The following L3MBTL4 variants were observed in gnomAD, a reference collection of about 807,000 sequenced individuals.
The protein encoded by L3MBTL4 is lethal(3)malignant brain tumor-like protein 4.
Under a neutral mutation model 84.5 loss-of-function variants are expected in L3MBTL4, and 70 were observed. The observed-to-expected ratio is 0.83, with a 90% CI of 0.68 to 1.01. The LOEUF is 1.01. Among genes scored for constraint, L3MBTL4 ranks in the 50% least tolerant of loss-of-function variants. The probability of loss-of-function intolerance (pLI) is 0.00; values close to 1 mark genes in which losing one functional copy is unlikely to be tolerated. For synonymous variants in L3MBTL4, 274 were observed against 259.8 expected (o/e 1.05, Z -0.52); for missense variants, 715 against 754.8 (o/e 0.95, Z 0.62).
Position 5,973,998 on chromosome 18 carries a change from GC to G in L3MBTL4, c.1445-4437del, listed in dbSNP as rs145434715. On this transcript the variant is annotated intron_variant, in intron 16 of 18. Coordinates refer to ENST00000317931, the MANE Select transcript of L3MBTL4 (RefSeq NM_001330559.2). ...GAAAATGAAATGTATATGTAATACT[GC>G]CTTTGCCTCTAACACCAATGTGACA... 1.9e-3 allele frequency among the ~76,000 whole-genome samples: 288 copies of G among 152,274 alleles called. 3 individuals carry two copies. The East Asian group carries it at 0.042, about 22-fold the overall frequency.
intron 16 of L3MBTL4, among the ~76,000 whole-genome samples, chr18:6,004,513 A>C (rs1433137253): frequency 6.6e-6 from 1 of 152,176 alleles, no homozygotes; most frequent in Non-Finnish European, 1.5e-5. Context: ...ACACTTTCTA[A>C]CTCATAGAAA....
intron 15 of L3MBTL4, among the ~76,000 whole-genome samples, chr18:6,091,502 AC>A (rs1463401014): frequency 6.6e-6 from 1 of 152,216 alleles, no homozygotes; most frequent in African/African-American, 2.4e-5. Context: ...GAACAGGACA[AC>A]CGGTGATTTG....
intron 16 of L3MBTL4, among the ~76,000 whole-genome samples, chr18:6,062,513 T>C (rs1385344530): frequency 1.3e-5 from 2 of 152,048 alleles, no homozygotes; most frequent in Admixed American, 6.6e-5. Context: ...TGTGTTTTAG[T>C]GTCTGCCATT....
chr18:5,978,450 C>G (rs973784172), intron 16 of L3MBTL4, among the ~76,000 whole-genome samples: 1 of 152,156 alleles, frequency 6.6e-6, no homozygotes, highest in African/African-American at 2.4e-5. Flanking sequence ...ATACTACACC[C>G]CAATCACCCA....
intron 14 of L3MBTL4, among the ~76,000 whole-genome samples, chr18:6,106,233 C>T (rs763241600): frequency 1.4e-4 from 22 of 152,282 alleles, no homozygotes; most frequent in Middle Eastern, 3.4e-3. Flanking sequence ...CTAGATTTTT[C>T]TCTGAAGACA....
At chr18:6,111,976 G>A (rs1023170821) in intron 14 of L3MBTL4, among the ~76,000 whole-genome samples, 3 of 152,006 alleles carry the variant, frequency 2.0e-5, no homozygotes, top group South Asian at 2.1e-4. Context: ...CAACATCTCC[G>A]TAACCCCACC....
At chr18:6,131,114 C>T (rs1344824241) in intron 14 of L3MBTL4, among the ~76,000 whole-genome samples, 2 of 152,138 alleles carry the variant, frequency 1.3e-5, no homozygotes, top group African/African-American at 2.4e-5. Flanking sequence ...AAATAAGATG[C>T]TGACAACTTA....
At chr18:6,007,172 G>A (rs572700141) in intron 16 of L3MBTL4, among the ~76,000 whole-genome samples, 73 of 151,602 alleles carry the variant, frequency 4.8e-4, no homozygotes, top group Non-Finnish European at 3.5e-4. Context: ...ACAACAAAAT[G>A]GGGTTTTAAA....
chr18:5,972,447 T>C (rs2052682994), intron 16 of L3MBTL4, among the ~76,000 whole-genome samples: 1 of 152,044 alleles, frequency 6.6e-6, no homozygotes, highest in Non-Finnish European at 1.5e-5. Flanking sequence ...AAAGGAGAAG[T>C]TGGCAGAAGG....
intron 5 of L3MBTL4, among the ~76,000 whole-genome samples, chr18:6,261,747 A>G (rs930777401): frequency 5.3e-5 from 8 of 152,282 alleles, no homozygotes; most frequent in East Asian, 1.9e-4. Flanking sequence ...GAAATTCTCA[A>G]TCCTGCAGGT....
intron 5 of L3MBTL4, among the ~76,000 whole-genome samples, chr18:6,253,659 G>A (rs1305824515): frequency 6.6e-6 from 1 of 152,212 alleles, no homozygotes; most frequent in African/African-American, 2.4e-5. Context: ...GACTTCATGG[G>A]AAGCTCATGG....
rs1431214805 is a variant in L3MBTL4, at chr18:6,035,003, T to G, written c.1444+45878A>C. On this transcript the variant is annotated intron_variant, in intron 16 of 18. Coordinates refer to ENST00000317931, the MANE Select transcript of L3MBTL4 (RefSeq NM_001330559.2). Reference sequence around the variant, plus strand: ...CACTTTTTGATGGGGTTGTTTGTTTTTTTCTTGTAAATTTGTTTGAATTCA... The same window carrying G: ...CACTTTTTGATGGGGTTGTTTGTTTGTTTCTTGTAAATTTGTTTGAATTCA... Among the ~76,000 whole-genome samples, 12 of 152,008 alleles carry G rather than the reference T, an allele frequency of 7.9e-5. No individual in the cohort carries two copies. In the East Asian group the frequency reaches 2.3e-3, roughly 29 times the overall value.
chr18:6,018,202 G>C (rs1333633647), intron 16 of L3MBTL4, among the ~76,000 whole-genome samples: 4 of 152,202 alleles, frequency 2.6e-5, no homozygotes, highest in Non-Finnish European at 4.4e-5. Flanking sequence ...TGCAGCAGGA[G>C]AGGAAGCTGG....
chr18:6,147,573 T>C (rs1346587548), intron 13 of L3MBTL4, among the ~76,000 whole-genome samples: 4 of 152,202 alleles, frequency 2.6e-5, no homozygotes, highest in African/African-American at 9.7e-5. Flanking sequence ...AGTACCACGA[T>C]GGCAATATTA....
chr18:6,366,053 T>A (rs933818004), intron 1 of L3MBTL4, among the ~76,000 whole-genome samples: 17 of 152,330 alleles, frequency 1.1e-4, no homozygotes, highest in African/African-American at 4.1e-4. Context: ...ACCTCAATTA[T>A]ATACATGCCT....
chr18:6,344,573 A>G (rs2052777872), intron 1 of L3MBTL4, among the ~76,000 whole-genome samples: 1 of 152,176 alleles, frequency 6.6e-6, no homozygotes, highest in Non-Finnish European at 1.5e-5. Flanking sequence ...AAAGACAGAC[A>G]AGGTCATTCC....
At chr18:6,375,051 G>T (rs2054311149) in intron 1 of L3MBTL4, among the ~76,000 whole-genome samples, 1 of 152,094 alleles carries the variant, frequency 6.6e-6, no homozygotes, top group African/African-American at 2.4e-5. Context: ...AACTCGGGCT[G>T]CTCTTGCAGT....
At chr18:6,304,010 A>G (rs1422384736) in intron 3 of L3MBTL4, among the ~76,000 whole-genome samples, 1 of 139,710 alleles carries the variant, frequency 7.2e-6, no homozygotes, top group African/African-American at 2.9e-5. Flanking sequence ...GCTAAACTCC[A>G]TCTCAAAAAA....
At chr18:6,024,817 A>C (rs889164303) in intron 16 of L3MBTL4, among the ~76,000 whole-genome samples, 1 of 152,170 alleles carries the variant, frequency 6.6e-6, no homozygotes, top group African/African-American at 2.4e-5. Context: ...CCTCATATTC[A>C]GTTTGGTTTT....
Sources: gnomAD v4.1 joint callset for allele counts (sites outside exome capture counted in the v4.1 genomes callset) on GRCh38, gnomAD v4.1.1 for gene constraint, MANE v1.5 for transcripts, NCBI Gene and HGNC (gene_info 2026-07-23, HGNC 2026-07-21) for gene names.